Variants in CPB2 observed in about 807,000 individuals in gnomAD.
CPB2 encodes the protein carboxypeptidase B-like protein.
In CPB2, 54 loss-of-function variants were observed where a neutral mutation model predicts 57.0. The observed-to-expected ratio is 0.95, with a 90% confidence interval of 0.76 to 1.19. CPB2 has a LOEUF of 1.19. Among genes scored for constraint, CPB2 ranks in the 50% most tolerant of loss-of-function variants. The pLI, the probability that CPB2 is intolerant of heterozygous loss-of-function variation, is 0.00. For synonymous variants in CPB2, 189 were observed against 178.1 expected (o/e 1.06, Z -0.49); for missense variants, 426 against 512.0 (o/e 0.83, Z 1.62).
At chr13:46,103,019 T>C (rs1225437402) in intron 1 of CPB2, among the ~76,000 whole-genome samples, 3 of 152,226 alleles carry the variant, frequency 2.0e-5, no homozygotes, top group Non-Finnish European at 2.9e-5. Flanking sequence ...AGCCCATGCA[T>C]GAAGATATGT....
intron 5 of CPB2, among the ~76,000 whole-genome samples, chr13:46,074,962 G>A (rs531742621): frequency 7.2e-5 from 11 of 152,152 alleles, no homozygotes; most frequent in Admixed American, 1.3e-4. Context: ...ATGCTTGCTC[G>A]CTGGCTATTC....
At chr13:46,104,202 A>C (rs2139433026) in intron 1 of CPB2, among the ~76,000 whole-genome samples, 1 of 152,344 alleles carries the variant, frequency 6.6e-6, no homozygotes, top group African/African-American at 2.4e-5. Flanking sequence ...GATCTGTCTC[A>C]AAGATAATTG....
intron 7 of CPB2, among the ~76,000 whole-genome samples, chr13:46,065,678 G>T: frequency 6.7e-6 from 1 of 148,540 alleles, no homozygotes. Flanking sequence ...TTTAAGTTCT[G>T]AGTTTGGGAT....
At chr13:46,094,398 T>G (rs1177404487) in intron 1 of CPB2, among the ~76,000 whole-genome samples, 1 of 152,192 alleles carries the variant, frequency 6.6e-6, no homozygotes, top group Non-Finnish European at 1.5e-5. Flanking sequence ...CTTTGGGGTA[T>G]AGTCCCTTTC....
intron 8 of CPB2, among the ~76,000 whole-genome samples, chr13:46,059,761 A>G (rs987860125): frequency 5.3e-5 from 8 of 152,178 alleles, no homozygotes; most frequent in African/African-American, 9.7e-5. Context: ...TCAGGAGTCC[A>G]TGGCTGAGGC....
At chr13:46,087,602 GT>G (rs1178217164) in intron 2 of CPB2, 142 bp downstream of exon 2, 11 of 621,476 alleles carry the variant, frequency 1.8e-5, no homozygotes, top group Non-Finnish European at 3.1e-5. Flanking sequence ...ACAAAATCAT[GT>G]GATTATGAGA....
intron 1 of CPB2, among the ~76,000 whole-genome samples, chr13:46,104,330 AC>A (rs1308252212): frequency 6.6e-6 from 1 of 152,218 alleles, no homozygotes; most frequent in Non-Finnish European, 1.5e-5. Context: ...CATTACATAT[AC>A]CCTGGAACTA....
intron 1 of CPB2, among the ~76,000 whole-genome samples, chr13:46,095,903 CAG>C (rs2045359175): frequency 1.0e-5 from 1 of 97,254 alleles, no homozygotes; most frequent in South Asian, 3.1e-4. Flanking sequence ...TTTTTTGAGA[CAG>C]AGTTTTGCTC....
intron 1 of CPB2, chr13:46,098,527 G>A (rs1336778428): frequency 6.6e-6 from 1 of 152,196 alleles, no homozygotes; most frequent in East Asian, 1.9e-4. Context: ...CTCCATCCAG[G>A]GATGAACTCT....
In CPB2 at chr13:46,055,860, C is replaced by A. The variant is rs1926446; in HGVS notation, c.1000-11G>T. Reference sequence around the variant, plus strand: ...ACTGGCTACTAGAGACTGGAAGCAACAAGATATAGAATTTCAGTTAATGTG... The same window carrying A: ...ACTGGCTACTAGAGACTGGAAGCAAAAAGATATAGAATTTCAGTTAATGTG... On this transcript the variant is annotated splice_polypyrimidine_tract_variant and intron_variant, in intron 9 of 10. Coordinates refer to ENST00000181383, the MANE Select transcript of CPB2 (RefSeq NM_001872.5). 1,060,924 of 1,481,948 alleles carry A rather than the reference C, an allele frequency of 0.72. 382,523 individuals are homozygous for A. The highest frequency in any genetic ancestry group is 0.86 in the African/African-American group (61,518 of 71,326). The allele number at this position is 1,481,948 out of a possible 1,614,324, so 91.8% of individuals were successfully genotyped here.
intron 8 of CPB2, among the ~76,000 whole-genome samples, chr13:46,061,417 A>C (rs550593825): frequency 6.6e-6 from 1 of 152,314 alleles, no homozygotes; most frequent in Admixed American, 6.5e-5. Flanking sequence ...TGAAGCCCTA[A>C]GCCCCAATGT....
rs117183048 is a variant in CPB2 at position 46,086,285 on chromosome 13, C to T, written c.150+1460G>A. 6.4e-3 allele frequency among the ~76,000 whole-genome samples: 980 copies of T among 152,286 alleles called. 7 individuals are homozygous for T. Among genetic ancestry groups the T allele is most frequent in the Non-Finnish European group, 0.01 (707 of 68,024 alleles). On this transcript the variant is annotated intron_variant, in intron 2 of 10. Transcript: ENST00000181383. ...GTTTGTGTTAGAGCTCTTTCACCTC[C>T]ACCATTTGGCAGGTTCAGCGCCCGG...
intron 1 of CPB2, among the ~76,000 whole-genome samples, chr13:46,093,765 G>A (rs1437171923): frequency 6.6e-6 from 1 of 152,188 alleles, no homozygotes; most frequent in East Asian, 1.9e-4. Context: ...CCTTGGGTAA[G>A]TGGCAGGGGA....
At chr13:46,054,860 T>TTTTTTTTTTTTTTTTTTTTTTTTTTGAG (rs1214381772) in intron 10 of CPB2, among the ~76,000 whole-genome samples, 1 of 151,100 alleles carries the variant, frequency 6.6e-6, no homozygotes, top group East Asian at 2.0e-4. Flanking sequence ...AAGTAATTCT[T>TTTTTTTTTTTTTTTTTTTTTTTTTTGAG]ATGCATTAGC....
rs778722727 is a variant in CPB2, at chr13:46,067,311, T to G, written c.698A>C (p.Lys233Thr). ...VNVDGYDYSW[K>T]KNRMWRKNRS... Reference sequence around the variant, plus strand: ...CTTCTTTGCCTTTTCTCCTACCTTTTTCCATGAGTAGTCATAACCATCCAC... The same window carrying G: ...CTTCTTTGCCTTTTCTCCTACCTTTGTCCATGAGTAGTCATAACCATCCAC... Residue 233 changes from lysine (K) to threonine (T), a missense_variant, in exon 7 of 11, where the codon AAA (lysine) becomes ACA (threonine). Physicochemically the swap from Lys to Thr is moderately conservative, Grantham distance 78. Coordinates refer to ENST00000181383, the MANE Select transcript of CPB2 (RefSeq NM_001872.5). 4.7e-6 allele frequency: 7 copies of G among 1,482,914 alleles called. No homozygotes were observed. The South Asian group carries it at 5.7e-5, about 12-fold the overall frequency. 91.9% of individuals were successfully genotyped at this position (1,482,914 alleles called of 1,614,324 possible).
chr13:46,073,838 T>G (rs777780191), intron 6 of CPB2, 35 bp downstream of exon 6: 2 of 1,394,758 alleles, frequency 1.4e-6, no homozygotes, highest in Non-Finnish European at 2.0e-6. Context: ...GGGCACCATT[T>G]TGAGAAATAG....
chr13:46,053,652 C>A lies in CPB2; in HGVS notation c.1234G>T (p.Val412Phe). ...KPTCREAFAA[V>F]SKIAWHVIRN... is the part of the protein sequence containing the mutation. ...ATGACATGCCAAGCTATTTTAGAGA[C>A]AGCGGCAAAAGCTTCTCTACAGGTG... Residue 412 changes from valine to phenylalanine, a missense_variant, in exon 11 of 11, where the codon GTC becomes TTC. Coordinates refer to ENST00000181383, the MANE Select transcript of CPB2 (RefSeq NM_001872.5). The A allele has an allele frequency of 6.2e-7, 1 of 1,614,108 alleles. No individual in the cohort carries two copies. The highest frequency in any genetic ancestry group is 1.3e-5 in the African/African-American group (1 of 75,030).
chr13:46,077,853 A>G (rs2045046987), intron 5 of CPB2, among the ~76,000 whole-genome samples: 2 of 151,930 alleles, frequency 1.3e-5, no homozygotes, highest in African/African-American at 2.4e-5. Flanking sequence ...GACAAATACT[A>G]CATGTTCTCA....
chr13:46,088,669 T>C (rs1035672803), intron 1 of CPB2, among the ~76,000 whole-genome samples: 2 of 152,234 alleles, frequency 1.3e-5, no homozygotes, highest in Non-Finnish European at 2.9e-5. Context: ...CAATACCTGA[T>C]GCTCTCTGAC....
Sources: gnomAD v4.1 joint callset for allele counts (sites outside exome capture counted in the v4.1 genomes callset) on GRCh38, gnomAD v4.1.1 for gene constraint, MANE v1.5 for transcripts, NCBI Gene and HGNC (gene_info 2026-07-23, HGNC 2026-07-21) for gene names.